Variants in AMPH observed in about 807,000 individuals in gnomAD.
AMPH encodes the protein amphiphysin.
A neutral mutation model predicts 99.1 loss-of-function variants in AMPH; 49 were observed. The ratio of observed to expected loss-of-function variants is 0.49; its 90% CI spans 0.39 to 0.63. The LOEUF is 0.63. Among genes scored for constraint, AMPH ranks in the 20% least tolerant of loss-of-function variants. The pLI is 0.00. For missense variants in AMPH, 759 were observed against 863.4 expected (o/e 0.88, Z 1.52); for synonymous variants, 314 against 317.3 (o/e 0.99, Z 0.11).
intron 5 of AMPH, among the ~76,000 whole-genome samples, chr7:38,478,075 C>G (rs1413882551): frequency 6.6e-6 from 1 of 151,762 alleles, no homozygotes; most frequent in Non-Finnish European, 1.5e-5. Flanking sequence ...AACAAACAAA[C>G]AAACAAACAA....
intron 1 of AMPH, among the ~76,000 whole-genome samples, chr7:38,631,043 G>C (rs538088876): frequency 2.0e-5 from 3 of 152,116 alleles, no homozygotes; most frequent in East Asian, 1.9e-4. Flanking sequence ...CGGCGTCTCC[G>C]GGGCCAGGGT....
At chr7:38,596,993 A>G (rs916157822) in intron 1 of AMPH, among the ~76,000 whole-genome samples, 1 of 152,248 alleles carries the variant, frequency 6.6e-6, no homozygotes. Context: ...CGCCCGGCCC[A>G]TAGCAACAAT....
At chr7:38,433,597 C>T (rs982055956) in intron 12 of AMPH, among the ~76,000 whole-genome samples, 2 of 128,982 alleles carry the variant, frequency 1.6e-5, no homozygotes. Flanking sequence ...TAGTGGCGGG[C>T]GCCTGTAGTC....
Position 38,461,336 on chromosome 7 carries a change from T to A in AMPH, c.964A>T (p.Ser322Cys), listed in dbSNP as rs747333756. 13 of 1,614,152 alleles carry A rather than the reference T, an allele frequency of 8.1e-6. No homozygotes were observed. The South Asian group carries it at 1.4e-4, about 18-fold the overall frequency. ...GGAACAAAGTTGTCCTCAAAGAAAC[T>A]GATGATGTTCTCCTGCTGCAGTTCC... ...TKELQQENII[S>C]FFEDNFVPEI... The change falls in exon 11 of 21, where the codon AGT becomes TGT. Residue 322 changes from serine (S) to cysteine (C), a missense_variant. By Grantham distance (112) the Ser-to-Cys change is moderately radical (BLOSUM62 -1). Transcript: ENST00000356264.
At chr7:38,500,097 A>G (rs373165710) in intron 3 of AMPH, among the ~76,000 whole-genome samples, 2 of 152,192 alleles carry the variant, frequency 1.3e-5, no homozygotes, top group Non-Finnish European at 2.9e-5. Flanking sequence ...CTTGTTTTCA[A>G]GTTTGGTCCC....
chr7:38,553,984 G>C (rs984259985), intron 1 of AMPH, among the ~76,000 whole-genome samples: 2 of 152,208 alleles, frequency 1.3e-5, no homozygotes, highest in Non-Finnish European at 2.9e-5. Flanking sequence ...GCCTCCAAAA[G>C]AGCACTCCTC....
intron 1 of AMPH, among the ~76,000 whole-genome samples, chr7:38,619,814 A>C (rs963399410): frequency 5.3e-5 from 8 of 152,226 alleles, no homozygotes; most frequent in African/African-American, 1.9e-4. Context: ...CATGGTCACA[A>C]GCATTTTGTA....
intron 15 of AMPH, among the ~76,000 whole-genome samples, chr7:38,424,921 A>G (rs1284923725): frequency 6.6e-6 from 1 of 152,190 alleles, no homozygotes; most frequent in Non-Finnish European, 1.5e-5. Context: ...AATCAAAATG[A>G]CAGTTTCTTG....
chr7:38,432,351 G>T, intron 12 of AMPH, 139 bp from the exon 13 acceptor site: 1 of 700,720 alleles, frequency 1.4e-6, no homozygotes, highest in Non-Finnish European at 2.5e-6. Flanking sequence ...TTTTTTTGGT[G>T]AAGGAAATGA....
intron 1 of AMPH, among the ~76,000 whole-genome samples, chr7:38,570,955 AG>A (rs1446888570): frequency 1.3e-5 from 1 of 75,372 alleles, no homozygotes; most frequent in Non-Finnish European, 2.8e-5. Context: ...TTATATATAT[AG>A]AATATATATA....
At chr7:38,583,859 G>A (rs913220694) in intron 1 of AMPH, among the ~76,000 whole-genome samples, 1 of 152,200 alleles carries the variant, frequency 6.6e-6, no homozygotes, top group African/African-American at 2.4e-5. Context: ...TCCTTCCAGT[G>A]AGTAACAACT....
intron 1 of AMPH, among the ~76,000 whole-genome samples, chr7:38,584,145 A>G (rs778333810): frequency 6.6e-6 from 1 of 152,166 alleles, no homozygotes; most frequent in South Asian, 2.1e-4. Flanking sequence ...CATTTTAGTC[A>G]TTGTCCTTTC....
chr7:38,451,447 T>C (rs2129003450), intron 11 of AMPH, among the ~76,000 whole-genome samples: 1 of 141,180 alleles, frequency 7.1e-6, no homozygotes, highest in South Asian at 2.9e-4. Context: ...TGTCTTGATC[T>C]CTTGTTAGAA....
intron 6 of AMPH, 97 bp from the exon 7 acceptor site, chr7:38,475,513 T>C (rs1378909909): frequency 1.3e-6 from 1 of 768,206 alleles, no homozygotes; most frequent in African/African-American, 1.8e-5. Context: ...TTATGGCATC[T>C]TGGAAATATT....
chr7:38,582,737 T>A (rs940705072), intron 1 of AMPH, among the ~76,000 whole-genome samples: 1 of 152,168 alleles, frequency 6.6e-6, no homozygotes, highest in Non-Finnish European at 1.5e-5. Flanking sequence ...CATGCATGCA[T>A]ATACTTATAG....
intron 1 of AMPH, among the ~76,000 whole-genome samples, chr7:38,607,760 A>G (rs1232109325): frequency 6.6e-6 from 1 of 152,228 alleles, no homozygotes; most frequent in East Asian, 1.9e-4. Flanking sequence ...TTCTCAGTTT[A>G]TTTGAATTAC....
intron 11 of AMPH, among the ~76,000 whole-genome samples, chr7:38,451,150 C>T (rs1221316523): frequency 1.3e-5 from 2 of 151,532 alleles, no homozygotes; most frequent in African/African-American, 4.9e-5. Context: ...GCTTTGGCCT[C>T]CCAAAGTGTT....
chr7:38,552,193 A>C (rs557233127), intron 1 of AMPH, among the ~76,000 whole-genome samples: 33 of 152,314 alleles, frequency 2.2e-4, no homozygotes, highest in African/African-American at 7.7e-4. Flanking sequence ...AGTATCCTGC[A>C]AGACTAATCT....
intron 1 of AMPH, among the ~76,000 whole-genome samples, chr7:38,594,613 C>A (rs371212449): frequency 3.3e-5 from 5 of 152,190 alleles, no homozygotes; most frequent in African/African-American, 7.2e-5. Flanking sequence ...CTCTTCCACT[C>A]CAATGGTTTG....
Sources: allele counts gnomAD v4.1 joint callset (sites outside exome capture counted in the v4.1 genomes callset), GRCh38; gene constraint gnomAD v4.1.1; transcripts MANE v1.5; gene names NCBI Gene and HGNC (gene_info 2026-07-23, HGNC 2026-07-21).